HAO1: variants seen among roughly 807,000 people sequenced by gnomAD.
The protein encoded by HAO1 is hydroxyacid oxidase 1, also known as 2-Hydroxyacid oxidase 1.
A neutral mutation model predicts 39.7 loss-of-function variants in HAO1; 34 were observed. The ratio of observed to expected loss-of-function variants is 0.86; its 90% CI spans 0.65 to 1.14. The LOEUF (loss-of-function observed/expected upper bound fraction) is 1.14. Among genes scored for constraint, HAO1 ranks in the 50% most tolerant of loss-of-function variants. The probability of loss-of-function intolerance (pLI) is 0.00; values close to 1 mark genes in which losing one functional copy is unlikely to be tolerated. For synonymous variants in HAO1, 172 were observed against 173.2 expected (o/e 0.99, Z 0.05); for missense variants, 479 against 464.5 (o/e 1.03, Z -0.29).
intron 2 of HAO1, among the ~76,000 whole-genome samples, chr20:7,924,971 T>C (rs2423333): frequency 0.1 from 15,504 of 152,168 alleles, 814 homozygotes; most frequent in East Asian, 0.2. Flanking sequence ...GGTTCTAAAC[T>C]CAGGGCCTGT....
intron 5 of HAO1, among the ~76,000 whole-genome samples, chr20:7,894,151 T>C (rs915507871): frequency 1.3e-5 from 2 of 152,106 alleles, no homozygotes; most frequent in Admixed American, 1.3e-4. Context: ...CCGGCCCCCA[T>C]TCTGGATCAT....
chr20:7,915,560 C>CT (rs1341954503), intron 2 of HAO1, among the ~76,000 whole-genome samples: 1 of 152,120 alleles, frequency 6.6e-6, no homozygotes, highest in Non-Finnish European at 1.5e-5. Flanking sequence ...CTAAAAATGT[C>CT]TATCTATGGA....
At chr20:7,932,698 T>C (rs2050391162) in intron 2 of HAO1, among the ~76,000 whole-genome samples, 1 of 152,202 alleles carries the variant, frequency 6.6e-6, no homozygotes. Context: ...AAATTTGATG[T>C]CATTTTTATG....
Position 7,894,179 on chromosome 20 carries a change from C to G in HAO1, c.813+954G>C, listed in dbSNP as rs367785026. Among the ~76,000 whole-genome samples the G allele has an allele frequency of 3.9e-3, 600 of 152,236 alleles. 2 individuals are homozygous for G. The highest frequency in any genetic ancestry group is 0.013 in the African/African-American group (557 of 41,540). The stretch of plus-strand genomic sequence containing the variant: ...TGGATCATGGATCCATAAAATCCAC[C>G]CCAGGAAATGTGTCCCTCTCCATGG... On this transcript the variant is annotated intron_variant, in intron 5 of 7. Coordinates refer to ENST00000378789, the MANE Select transcript of HAO1 (RefSeq NM_017545.3).
At chr20:7,909,379 G>GTATGTATA (rs2050265611) in intron 3 of HAO1, among the ~76,000 whole-genome samples, 3 of 108,240 alleles carry the variant, frequency 2.8e-5, no homozygotes, top group African/African-American at 1.3e-4. Flanking sequence ...ATATATATAT[G>GTATGTATA]TATATATATA....
At chr20:7,905,203 T>C (rs2050241769) in intron 4 of HAO1, among the ~76,000 whole-genome samples, 1 of 149,230 alleles carries the variant, frequency 6.7e-6, no homozygotes, top group South Asian at 2.1e-4. Flanking sequence ...AATAAGAACA[T>C]CTGGATTTAA....
chr20:7,919,753 T>C (rs1438674163), intron 2 of HAO1, among the ~76,000 whole-genome samples: 1 of 152,218 alleles, frequency 6.6e-6, no homozygotes, highest in African/African-American at 2.4e-5. Flanking sequence ...AGAGGACGCC[T>C]AATGCATTTG....
At chr20:7,893,902 G>A (rs1439121395) in intron 5 of HAO1, among the ~76,000 whole-genome samples, 1 of 152,158 alleles carries the variant, frequency 6.6e-6, no homozygotes, top group Non-Finnish European at 1.5e-5. Context: ...AGAAACGGTT[G>A]GGCAGTTACA....
Position 7,925,847 on chromosome 20 carries a change from C to T in HAO1, c.289+8637G>A, listed in dbSNP as rs1459071629. On this transcript the variant is annotated intron_variant, in intron 2 of 7. Coordinates refer to ENST00000378789, the MANE Select transcript of HAO1 (RefSeq NM_017545.3). Reference sequence around the variant, plus strand: ...GCAAAATCGTAGAAATCACTCCATTCGATGACTGTCTTTAATATGGCTAGA... The same window carrying T: ...GCAAAATCGTAGAAATCACTCCATTTGATGACTGTCTTTAATATGGCTAGA... 3.9e-5 allele frequency among the ~76,000 whole-genome samples: 6 copies of T among 152,068 alleles called. No individual in the cohort carries two copies. The East Asian group carries it at 9.6e-4, about 24-fold the overall frequency.
rs16994181 is a variant in HAO1 at position 7,938,128 on chromosome 20, C to T, written c.137+2158G>A. ...TTATCTGAGGTTTGATTGTTTTGCACTTTTCATTAGAATCAGAATGTGAAA... is the reference window on the plus strand; with the variant it reads ...TTATCTGAGGTTTGATTGTTTTGCATTTTTCATTAGAATCAGAATGTGAAA... On this transcript the variant is annotated intron_variant, in intron 1 of 7. Coordinates refer to ENST00000378789, the MANE Select transcript of HAO1 (RefSeq NM_017545.3). Among the ~76,000 whole-genome samples, 1,079 of 152,254 alleles carry T rather than the reference C, an allele frequency of 7.1e-3. 10 individuals carry two copies. Among genetic ancestry groups the T allele is most frequent in the African/African-American group, 0.025 (1,026 of 41,556 alleles).
chr20:7,910,372 T>C (rs1295227768), intron 3 of HAO1, among the ~76,000 whole-genome samples: 1 of 152,226 alleles, frequency 6.6e-6, no homozygotes, highest in East Asian at 1.9e-4. Flanking sequence ...TTTGTGGTTA[T>C]TTGTTACAAC....
At chr20:7,919,801 AT>A (rs1368793549) in intron 2 of HAO1, among the ~76,000 whole-genome samples, 1 of 152,094 alleles carries the variant, frequency 6.6e-6, no homozygotes, top group East Asian at 1.9e-4. Flanking sequence ...TGTATTTCTA[AT>A]TTTGCCAAGG....
In HAO1 at chr20:7,896,686, G is replaced by A. The variant is rs546031791; in HGVS notation, c.722-1462C>T. Among the ~76,000 whole-genome samples the A allele has an allele frequency of 5.3e-5, 8 of 152,092 alleles. No homozygotes were observed. In the South Asian group the frequency reaches 1.2e-3, roughly 24 times the overall value. On this transcript the variant is annotated intron_variant, in intron 4 of 7. Transcript: ENST00000378789. The stretch of plus-strand genomic sequence containing the variant: ...GCATTTGGAGATGGGGTCTTTGGGA[G>A]GTGATTAGGATTAGATTAGATTTCT...
intron 5 of HAO1, 121 bp from the exon 6 acceptor site, chr20:7,885,985 G>C: frequency 2.8e-6 from 2 of 702,650 alleles, no homozygotes; most frequent in South Asian, 4.0e-5. Context: ...AAGTAGGTTT[G>C]GGGTAAATGG....
In HAO1 at chr20:7,919,781, T is replaced by A. The variant is rs116117287; in HGVS notation, c.290-5362A>T. On this transcript the variant is annotated intron_variant, in intron 2 of 7. Coordinates refer to ENST00000378789, the MANE Select transcript of HAO1 (RefSeq NM_017545.3). ...TGCATTTGGAAAAATAAGTTCTGGA[T>A]AGCTTTGTATGTATTTCTAATTTTG... Among the ~76,000 whole-genome samples the A allele has an allele frequency of 2.2e-3, 334 of 152,300 alleles. 1 individual carries two copies. Among genetic ancestry groups the A allele is most frequent in the African/African-American group, 7.7e-3 (320 of 41,578 alleles).
chr20:7,927,181 T>C (rs145190728), intron 2 of HAO1, among the ~76,000 whole-genome samples: 492 of 152,258 alleles, frequency 3.2e-3, no homozygotes, highest in Non-Finnish European at 5.2e-3. Flanking sequence ...CCAAATGGTA[T>C]AGTAAGCATT....
intron 5 of HAO1, among the ~76,000 whole-genome samples, chr20:7,886,483 A>T (rs1302605347): frequency 6.6e-6 from 1 of 152,154 alleles, no homozygotes; most frequent in African/African-American, 2.4e-5. Flanking sequence ...TATTTTATTG[A>T]CATAAATTAT....
intron 2 of HAO1, among the ~76,000 whole-genome samples, chr20:7,917,917 T>C (rs1375288736): frequency 6.6e-6 from 1 of 152,212 alleles, no homozygotes; most frequent in Admixed American, 6.5e-5. Flanking sequence ...CCCAAATCAC[T>C]TGGGTATGCA....
chr20:7,924,823 A>G (rs978158754), intron 2 of HAO1, among the ~76,000 whole-genome samples: 7 of 152,276 alleles, frequency 4.6e-5, no homozygotes, highest in Non-Finnish European at 1.0e-4. Flanking sequence ...CATTTGATTA[A>G]AAAGCTCCTA....
Sources: allele counts gnomAD v4.1 joint callset (sites outside exome capture counted in the v4.1 genomes callset), GRCh38; gene constraint gnomAD v4.1.1; transcripts MANE v1.5; gene names NCBI Gene and HGNC (gene_info 2026-07-23, HGNC 2026-07-21).